The following ELMOD1 variants were observed in gnomAD, a reference collection of about 807,000 sequenced individuals.
ELMOD1 encodes the protein ELMO domain containing 1.
Under a neutral mutation model 46.7 loss-of-function variants are expected in ELMOD1, and 21 were observed. That is an observed-to-expected ratio of 0.45 (90% CI 0.32 to 0.65). The LOEUF (loss-of-function observed/expected upper bound fraction) is 0.65, where lower values mean the gene tolerates loss of function less well. Among genes scored for constraint, ELMOD1 ranks in the 30% least tolerant of loss-of-function variants. The pLI is 0.04. For synonymous variants in ELMOD1, 122 were observed against 138.2 expected, an observed-to-expected ratio of 0.88 and a Z score of 0.82; for missense variants, 348 against 407.8, an observed-to-expected ratio of 0.85 and a Z score of 1.26.
At chr11:107,626,706 T>C (rs918293732) in intron 2 of ELMOD1, among the ~76,000 whole-genome samples, 3 of 146,994 alleles carry the variant, frequency 2.0e-5, no homozygotes, top group East Asian at 4.1e-4. Flanking sequence ...CTCAAGAGCA[T>C]TTACAGATCT....
rs564779191 is a variant in ELMOD1, at chr11:107,641,305, GA to G, written c.420+5548del. Among the ~76,000 whole-genome samples, 93 of 135,464 alleles carry G rather than the reference GA, an allele frequency of 6.9e-4. 2 individuals carry two copies. The South Asian group carries it at 0.021, about 31-fold the overall frequency. 88.9% of individuals were successfully genotyped at this position (135,464 alleles called of 152,430 possible). ...AGACTCTGTCTCAAAAAAGAAAAAAGAAAAAAAATAAGTATATATATATATA... is the reference window on the plus strand; with the variant it reads ...AGACTCTGTCTCAAAAAAGAAAAAAGAAAAAAATAAGTATATATATATATA... On this transcript the variant is annotated intron_variant, in intron 6 of 11. Transcript: ENST00000265840.
intron 1 of ELMOD1, among the ~76,000 whole-genome samples, chr11:107,596,436 A>C (rs1168499924): frequency 1.3e-5 from 2 of 152,170 alleles, no homozygotes; most frequent in East Asian, 3.8e-4. Context: ...CCTTTAAAAG[A>C]ATAGGAATAT....
chr11:107,659,953 A>G (rs1034879171), intron 11 of ELMOD1, among the ~76,000 whole-genome samples: 3 of 152,140 alleles, frequency 2.0e-5, no homozygotes, highest in African/African-American at 7.2e-5. Flanking sequence ...AGAGAATCCT[A>G]GCCCAGATGA....
At chr11:107,652,467 A>G (rs1009090744) in intron 9 of ELMOD1, among the ~76,000 whole-genome samples, 4 of 152,234 alleles carry the variant, frequency 2.6e-5, no homozygotes, top group South Asian at 2.1e-4. Context: ...AGGATATCCT[A>G]TAAGTATCAA....
chr11:107,605,170 G>C (rs1474076900), intron 1 of ELMOD1, among the ~76,000 whole-genome samples: 1 of 150,284 alleles, frequency 6.7e-6, no homozygotes, highest in Non-Finnish European at 1.5e-5. Flanking sequence ...TTCTTTTGTA[G>C]CTGAGAGATG....
At chr11:107,605,509 T>G (rs182447616) in intron 1 of ELMOD1, among the ~76,000 whole-genome samples, 6 of 152,318 alleles carry the variant, frequency 3.9e-5, no homozygotes, top group Admixed American at 3.9e-4. Context: ...CCTTGAGAGA[T>G]GAATTTCATC....
chr11:107,642,348 TAAACAGATAATACTAATC>T (rs1313739359), intron 6 of ELMOD1, among the ~76,000 whole-genome samples: 2 of 151,888 alleles, frequency 1.3e-5, no homozygotes, highest in Non-Finnish European at 2.9e-5. Context: ...ACAGACATTA[TAAACAGATAATACTAATC>T]TTATTTACTT....
At chr11:107,605,091 G>T (rs1315127644) in intron 1 of ELMOD1, among the ~76,000 whole-genome samples, 2 of 151,590 alleles carry the variant, frequency 1.3e-5, no homozygotes, top group African/African-American at 4.9e-5. Context: ...ATATAACATT[G>T]AGAATTTACA....
chr11:107,658,579 TA>T, intron 11 of ELMOD1, among the ~76,000 whole-genome samples: 1 of 152,242 alleles, frequency 6.6e-6, no homozygotes, highest in African/African-American at 2.4e-5. Context: ...AAAAAGTCTT[TA>T]AAAAAATAAA....
chr11:107,628,552 T>G (rs1398501696), intron 2 of ELMOD1, among the ~76,000 whole-genome samples: 1 of 151,634 alleles, frequency 6.6e-6, no homozygotes, highest in Non-Finnish European at 1.5e-5. Context: ...TGTTGTTGTT[T>G]TTTGGGGTGT....
intron 2 of ELMOD1, among the ~76,000 whole-genome samples, chr11:107,629,003 A>T (rs1356907974): frequency 1.3e-5 from 2 of 152,110 alleles, no homozygotes; most frequent in Non-Finnish European, 2.9e-5. Flanking sequence ...GGATATTTTC[A>T]TGTTATTAGA....
At chr11:107,631,789 A>G (rs1223498708) in intron 5 of ELMOD1, 112 bp downstream of exon 5, 2 of 546,840 alleles carry the variant, frequency 3.7e-6, no homozygotes, top group African/African-American at 2.0e-5. Context: ...TAAAATAATC[A>G]TCTGCCATGT....
At chr11:107,592,192 T>A in intron 1 of ELMOD1, 1 of 386,096 alleles carries the variant, frequency 2.6e-6, no homozygotes, top group South Asian at 2.0e-5. Flanking sequence ...ACACATCTTA[T>A]GAATATTTCA....
At chr11:107,654,098 A>T (rs1009406696) in intron 9 of ELMOD1, 74 bp from the exon 10 acceptor site, 1 of 1,247,104 alleles carries the variant, frequency 8.0e-7, no homozygotes, top group Non-Finnish European at 1.1e-6. Context: ...CAGTTTTAAC[A>T]TAAGCATTAA....
intron 1 of ELMOD1, among the ~76,000 whole-genome samples, chr11:107,601,699 A>G (rs907357124): frequency 2.0e-5 from 3 of 152,188 alleles, no homozygotes; most frequent in African/African-American, 7.2e-5. Context: ...TACAGGTGTG[A>G]GCCATCAAGC....
At chr11:107,611,012 A>AG (rs1565372437) in intron 1 of ELMOD1, among the ~76,000 whole-genome samples, 1 of 151,098 alleles carries the variant, frequency 6.6e-6, no homozygotes, top group Non-Finnish European at 1.5e-5. Flanking sequence ...AAAAAAAAAA[A>AG]AAAAAGAAAA....
intron 11 of ELMOD1, among the ~76,000 whole-genome samples, chr11:107,656,362 T>G (rs1041677843): frequency 6.6e-6 from 1 of 150,746 alleles, no homozygotes; most frequent in Non-Finnish European, 1.5e-5. Flanking sequence ...CACTCCAGCC[T>G]GGACAACAGA....
chr11:107,607,785 A>G (rs1464132760), intron 1 of ELMOD1, among the ~76,000 whole-genome samples: 9 of 152,208 alleles, frequency 5.9e-5, no homozygotes, highest in Admixed American at 1.3e-4. Context: ...AGAAAACTAC[A>G]AACATTATTA....
chr11:107,665,038 T>A lies in ELMOD1; in HGVS notation c.846T>A (p.His282Gln), dbSNP rs373639517. 1 of 1,613,298 alleles carries A rather than the reference T, an allele frequency of 6.2e-7. No homozygotes were observed. The highest frequency in any genetic ancestry group is 1.3e-5 in the African/African-American group (1 of 75,008). Residue 282 changes from histidine (H) to glutamine (Q), a missense_variant, in exon 12 of 12, where the codon CAT (histidine) becomes CAA (glutamine). His to Gln is a conservative substitution (Grantham distance 24, BLOSUM62 0). Transcript: ENST00000265840. ...HFQQTFCYLM[H>Q]EFHKFWIEED... ...TGTCTCCAACAGGCTATTTGATGCATGAATTTCATAAGTTTTGGATCGAAG... is the reference window on the plus strand; with the variant it reads ...TGTCTCCAACAGGCTATTTGATGCAAGAATTTCATAAGTTTTGGATCGAAG...
Sources: allele counts gnomAD v4.1 joint callset (sites outside exome capture counted in the v4.1 genomes callset), GRCh38; gene constraint gnomAD v4.1.1; transcripts MANE v1.5; gene names NCBI Gene and HGNC (gene_info 2026-07-23, HGNC 2026-07-21).